DLGAP2: variants seen among roughly 807,000 people sequenced by gnomAD.
The protein encoded by DLGAP2 is disks large-associated protein 2.
In DLGAP2, 26 loss-of-function variants were observed where a neutral mutation model predicts 100.3. The observed-to-expected ratio is 0.26, with a 90% confidence interval of 0.19 to 0.36. The LOEUF (loss-of-function observed/expected upper bound fraction) is 0.36. DLGAP2 is among the 10% of genes least tolerant of loss of function. The pLI is 1.00. For synonymous variants in DLGAP2, 886 were observed against 630.1 expected (o/e 1.41, Z -6.08); for missense variants, 1,858 against 1,453.2 (o/e 1.28, Z -4.53).
At chr8:1,651,080 G>A (rs368445968) in intron 8 of DLGAP2, among the ~76,000 whole-genome samples, 12 of 152,056 alleles carry the variant, frequency 7.9e-5, no homozygotes, top group African/African-American at 1.2e-4. Context: ...TAACAGATAC[G>A]TGTATGCACT....
At chr8:928,783 G>T (rs1264977162) in intron 2 of DLGAP2, among the ~76,000 whole-genome samples, 2 of 152,054 alleles carry the variant, frequency 1.3e-5, no homozygotes, top group Non-Finnish European at 2.9e-5. Flanking sequence ...GAGCCTTCGA[G>T]TTAGAAGGGA....
intron 3 of DLGAP2, among the ~76,000 whole-genome samples, chr8:1,480,397 C>A (rs1472443874): frequency 1.3e-5 from 2 of 152,280 alleles, no homozygotes; most frequent in East Asian, 3.9e-4. Flanking sequence ...GTTTCACTGG[C>A]AGAAGCTCTC....
intron 1 of DLGAP2, among the ~76,000 whole-genome samples, chr8:755,436 G>A (rs1820895949): frequency 6.6e-6 from 1 of 152,260 alleles, no homozygotes; most frequent in East Asian, 1.9e-4. Flanking sequence ...CAGCCTGGGC[G>A]ACAGAGCAAG....
intron 2 of DLGAP2, among the ~76,000 whole-genome samples, chr8:1,050,784 A>G (rs1802655479): frequency 6.6e-6 from 1 of 152,218 alleles, no homozygotes; most frequent in Admixed American, 6.5e-5. Context: ...GCAGATTCTC[A>G]GAAACCTTGA....
rs760990204 is a variant in DLGAP2 at position 1,702,605 on chromosome 8, C to G, written c.*1199C>G. The stretch of plus-strand genomic sequence containing the variant: ...AAAAAGAGGTCACATATTGTGATTT[C>G]CAGCTGTAGCATTCAAAAAAAAAAT... On this transcript the variant is annotated 3_prime_UTR_variant, in exon 15 of 15. Transcript: ENST00000637795. 1 of 152,388 alleles carries G rather than the reference C, an allele frequency of 6.6e-6. No homozygotes were observed. The highest frequency in any genetic ancestry group is 1.5e-5 in the Non-Finnish European group (1 of 68,024). The allele number at this position is 152,388 out of a possible 1,614,324, so 9.4% of individuals were successfully genotyped here.
At chr8:1,420,402 C>A (rs1313165670) in intron 3 of DLGAP2, among the ~76,000 whole-genome samples, 1 of 152,188 alleles carries the variant, frequency 6.6e-6, no homozygotes, top group African/African-American at 2.4e-5. Context: ...GGCCACCTCA[C>A]TTCTGCGATT....
intron 6 of DLGAP2, among the ~76,000 whole-genome samples, chr8:1,607,539 G>A (rs1351743963): frequency 1.3e-5 from 2 of 152,160 alleles, no homozygotes; most frequent in Admixed American, 6.5e-5. Flanking sequence ...GAAAGACATC[G>A]GGCCTGTGTA....
chr8:810,355 A>G (rs1365471442), intron 1 of DLGAP2, among the ~76,000 whole-genome samples: 5 of 152,244 alleles, frequency 3.3e-5, no homozygotes. Context: ...TAAGGAAAAT[A>G]TAGGGTAGTT....
At chr8:1,258,694 C>T (rs1351429077) in intron 2 of DLGAP2, among the ~76,000 whole-genome samples, 157 bp from the exon 3 acceptor site, 2 of 152,126 alleles carry the variant, frequency 1.3e-5, no homozygotes, top group Non-Finnish European at 2.9e-5. Flanking sequence ...CGTGCAAGGC[C>T]AGAGCTGGCT....
At chr8:1,507,274 G>A (rs1005915543) in intron 4 of DLGAP2, among the ~76,000 whole-genome samples, 3 of 152,236 alleles carry the variant, frequency 2.0e-5, no homozygotes, top group Non-Finnish European at 2.9e-5. Context: ...CAGGCATGGC[G>A]GGCTGCAGGT....
intron 3 of DLGAP2, among the ~76,000 whole-genome samples, chr8:1,423,957 C>A (rs566814701): frequency 2.0e-5 from 3 of 152,332 alleles, no homozygotes; most frequent in African/African-American, 7.2e-5. Flanking sequence ...TAGATGTACT[C>A]TTGTGATCAA....
chr8:1,158,586 G>A (rs759441034), intron 2 of DLGAP2, among the ~76,000 whole-genome samples: 1 of 152,210 alleles, frequency 6.6e-6, no homozygotes, highest in East Asian at 1.9e-4. Flanking sequence ...GGCTTTGGAC[G>A]ATACCTGTGA....
At chr8:1,676,882 G>A (rs1250895710) in intron 11 of DLGAP2, among the ~76,000 whole-genome samples, 1 of 152,180 alleles carries the variant, frequency 6.6e-6, no homozygotes, top group Non-Finnish European at 1.5e-5. Flanking sequence ...CTGAAAGTCA[G>A]AGTCCTTGAT....
At chr8:1,478,232 C>A (rs1370290196) in intron 3 of DLGAP2, among the ~76,000 whole-genome samples, 1 of 152,190 alleles carries the variant, frequency 6.6e-6, no homozygotes, top group Non-Finnish European at 1.5e-5. Flanking sequence ...GACTGGGACA[C>A]TGGTGGCTTT....
At chr8:1,114,654 T>C (rs1194700412) in intron 2 of DLGAP2, among the ~76,000 whole-genome samples, 1 of 151,980 alleles carries the variant, frequency 6.6e-6, no homozygotes, top group African/African-American at 2.4e-5. Context: ...AATGAACTCC[T>C]AGATTCATTG....
rs1381903582 is a variant in DLGAP2 at position 1,566,005 on chromosome 8, C to A, written c.1442+111C>A. 2.7e-5 allele frequency: 23 copies of A among 844,804 alleles called. 1 individual carries two copies. In the South Asian group the frequency reaches 5.3e-4, roughly 19 times the overall value. The allele number at this position is 844,804 out of a possible 1,614,324, so 52.3% of individuals were successfully genotyped here. A position where few individuals can be genotyped will look rare whatever the true frequency, so the allele number is the denominator to read the frequency against. On this transcript the variant is annotated intron_variant, in intron 6 of 14. Coordinates refer to ENST00000637795, the MANE Select transcript of DLGAP2 (RefSeq NM_001346810.2). ...AGTGCCATCCATTTAAACTAAATTG[C>A]CAAGCTGAAAATATTAGACCCATGG...
chr8:1,317,889 AGC>A (rs1800800200), intron 3 of DLGAP2, among the ~76,000 whole-genome samples: 1 of 137,594 alleles, frequency 7.3e-6, no homozygotes, highest in African/African-American at 2.8e-5. Context: ...GTGTGAGTGC[AGC>A]GTCTCTCCAA....
chr8:1,379,792 C>G (rs1455367527), intron 3 of DLGAP2: 1 of 152,426 alleles, frequency 6.6e-6, no homozygotes, highest in Non-Finnish European at 1.5e-5. Flanking sequence ...GCCAACAACC[C>G]CATTTCCCTG....
At chr8:930,633 C>T (rs746097427) in intron 2 of DLGAP2, among the ~76,000 whole-genome samples, 22 of 152,186 alleles carry the variant, frequency 1.4e-4, no homozygotes, top group Non-Finnish European at 2.9e-5. Flanking sequence ...CTTGCCGCCA[C>T]GTTGGGTGTG....
Sources: gnomAD v4.1 joint callset for allele counts (sites outside exome capture counted in the v4.1 genomes callset) on GRCh38, gnomAD v4.1.1 for gene constraint, MANE v1.5 for transcripts, NCBI Gene and HGNC (gene_info 2026-07-23, HGNC 2026-07-21) for gene names.